Variants in PSME4 observed in about 807,000 individuals in gnomAD.
The protein encoded by PSME4 is proteasome activator subunit 4.
In PSME4, 89 loss-of-function variants were observed where a neutral mutation model predicts 253.9. The ratio of observed to expected loss-of-function variants is 0.35; its 90% CI spans 0.30 to 0.42. The LOEUF (loss-of-function observed/expected upper bound fraction) is 0.42, where lower values mean the gene tolerates loss of function less well. Ranked by LOEUF, PSME4 falls within the 10% of genes least tolerant of loss-of-function variation. The pLI is 1.00. For missense variants in PSME4, 2,014 were observed against 2,195.2 expected (o/e 0.92, Z 1.65); for synonymous variants, 851 against 759.2 (o/e 1.12, Z -1.99).
intron 28 of PSME4, 96 bp downstream of exon 28, chr2:53,901,254 G>A: frequency 2.6e-6 from 3 of 1,148,762 alleles, no homozygotes; most frequent in Non-Finnish European, 3.8e-6. Context: ...CAAATGCCAA[G>A]AATATTATTA....
chr2:53,909,399 T>A (rs979702912), intron 21 of PSME4, among the ~76,000 whole-genome samples: 3 of 152,138 alleles, frequency 2.0e-5, no homozygotes, highest in Non-Finnish European at 4.4e-5. Context: ...AGGTATAAAG[T>A]TTTTTTAAAT....
chr2:53,933,110 C>T (rs1409412085), intron 8 of PSME4: 3 of 184,112 alleles, frequency 1.6e-5, no homozygotes, highest in South Asian at 2.4e-4. Flanking sequence ...ACCAAGAATG[C>T]TAACATCAGG....
At chr2:53,917,732 T>A (rs1445075386) in intron 20 of PSME4, among the ~76,000 whole-genome samples, 2 of 152,196 alleles carry the variant, frequency 1.3e-5, no homozygotes, top group East Asian at 3.8e-4. Context: ...TTGCCTGCCA[T>A]AAAAGGGTCA....
chr2:53,945,708 AAGAC>A, intron 3 of PSME4, among the ~76,000 whole-genome samples: 1 of 152,238 alleles, frequency 6.6e-6, no homozygotes, highest in East Asian at 1.9e-4. Context: ...TAAAATTTGA[AAGAC>A]AGTTAACAAA....
intron 26 of PSME4, among the ~76,000 whole-genome samples, chr2:53,905,398 C>A (rs1000184993): frequency 6.6e-6 from 1 of 151,984 alleles, no homozygotes; most frequent in Non-Finnish European, 1.5e-5. Context: ...GTTGAGTATC[C>A]TTTATCTAAA....
intron 43 of PSME4, among the ~76,000 whole-genome samples, chr2:53,873,248 G>GAAAAGA (rs1558642724): frequency 2.2e-4 from 20 of 91,160 alleles, no homozygotes; most frequent in African/African-American, 8.7e-4. Context: ...CAAAAAAAAA[G>GAAAAGA]AAAAAAAAAA....
chr2:53,950,365 A>C (rs1669918124), intron 1 of PSME4, among the ~76,000 whole-genome samples: 1 of 152,128 alleles, frequency 6.6e-6, no homozygotes, highest in Non-Finnish European at 1.5e-5. Flanking sequence ...CAATTAAAAC[A>C]CTGCTCTCTT....
intron 39 of PSME4, 89 bp from the exon 40 acceptor site, chr2:53,887,556 T>C: frequency 8.3e-7 from 1 of 1,211,912 alleles, no homozygotes; most frequent in Non-Finnish European, 1.2e-6. Flanking sequence ...CAAAGTAAAC[T>C]GTCCCAAGAC....
At chr2:53,892,710 A>T (rs983040868) in intron 36 of PSME4, 98 bp downstream of exon 36, 1 of 1,138,074 alleles carries the variant, frequency 8.8e-7, no homozygotes, top group Non-Finnish European at 1.2e-6. Flanking sequence ...TGAAGATTTC[A>T]TATTTTAATT....
chr2:53,947,968 A>T (rs1393952338), intron 3 of PSME4, among the ~76,000 whole-genome samples: 2 of 152,088 alleles, frequency 1.3e-5, no homozygotes, highest in African/African-American at 2.4e-5. Flanking sequence ...GTGAGCTGAG[A>T]TCACACCACT....
chr2:53,939,833 C>T, intron 4 of PSME4, 123 bp downstream of exon 4: 1 of 741,394 alleles, frequency 1.3e-6, no homozygotes, highest in Non-Finnish European at 2.1e-6. Flanking sequence ...ATGTTGTGCT[C>T]AGTGACTAAC....
At position 53,919,830 on chromosome 2, in the gene PSME4, A is replaced by G. The variant is rs529831626; in HGVS notation, c.2420+363T>C. On this transcript the variant is annotated intron_variant, in intron 19 of 46. Transcript: ENST00000404125. ...TGTGGGAGAGGGAAAAAAAAATCTC[A>G]TAAAAATAATTCTTAAAATAAAATT... 4.6e-5 allele frequency among the ~76,000 whole-genome samples: 7 copies of G among 152,276 alleles called. No homozygotes were observed. In the South Asian group the frequency reaches 1.4e-3, roughly 32 times the overall value.
chr2:53,874,355 T>A lies in PSME4; in HGVS notation c.5084A>T (p.Glu1695Val). 6.2e-7 allele frequency: 1 copy of A among 1,610,850 alleles called. No homozygotes were observed. Among genetic ancestry groups the A allele is most frequent in the Non-Finnish European group, 8.5e-7 (1 of 1,179,262 alleles). ...AAATTTTACCTCCAGTTGTTCGTCC[T>A]CCAAAAGACTTATAACCAGCCACCT... is the stretch of plus-strand genomic sequence containing the variant. ...DIRWLVISLL[E>V]DEQLEVREMA... The change falls in exon 43 of 47, where the codon GAG (glutamate) becomes GTG (valine). Residue 1695 changes from glutamate (E) to valine (V), a missense_variant. Around this residue, in one of 4 missense-constraint regions of PSME4, gnomAD observed 403 missense variants for 556.1 expected, o/e 0.72. Coordinates refer to ENST00000404125, the MANE Select transcript of PSME4 (RefSeq NM_014614.3).
chr2:53,914,080 G>A (rs760097662), intron 20 of PSME4, among the ~76,000 whole-genome samples: 16 of 152,190 alleles, frequency 1.1e-4, no homozygotes, highest in South Asian at 8.3e-4. Context: ...TCCTAAGGAT[G>A]ATTTAACTAA....
chr2:53,963,432 G>A (rs1446463132), intron 1 of PSME4, among the ~76,000 whole-genome samples: 3 of 152,126 alleles, frequency 2.0e-5, no homozygotes, highest in Admixed American at 1.3e-4. Context: ...CCCAGCCCAC[G>A]CATTGCACTC....
At chr2:53,878,344 G>A (rs1405982385) in intron 41 of PSME4, among the ~76,000 whole-genome samples, 1 of 152,086 alleles carries the variant, frequency 6.6e-6, no homozygotes, top group Non-Finnish European at 1.5e-5. Flanking sequence ...ATCTTCATAA[G>A]CTGAGGATGA....
chr2:53,949,847 G>C (rs1057239503), intron 1 of PSME4, among the ~76,000 whole-genome samples: 1 of 152,110 alleles, frequency 6.6e-6, no homozygotes, highest in Non-Finnish European at 1.5e-5. Context: ...TAAAAATTAA[G>C]ATAAACTTGA....
In PSME4 at chr2:53,890,138, T is replaced by C. The variant is rs564082779; in HGVS notation, c.4262A>G (p.Tyr1421Cys). 2 of 1,613,972 alleles carry C rather than the reference T, an allele frequency of 1.2e-6. No homozygotes were observed. The highest frequency in any genetic ancestry group is 2.7e-5 in the African/African-American group (2 of 75,044). The change falls in exon 37 of 47, where the codon TAT becomes TGT. Residue 1421 changes from tyrosine (Y) to cysteine (C), a missense_variant. Around this residue, in one of 4 missense-constraint regions of PSME4, gnomAD observed 403 missense variants for 556.1 expected, o/e 0.72. Transcript: ENST00000404125. The part of the protein sequence containing the change: ...TALSNITVET[Y>C]NDWGACIATS... ...TGCTATACAAGCTCCCCAGTCATTA[T>C]AAGTTTCTACGGTAATATTGGACAG... is the stretch of plus-strand genomic sequence containing the variant.
chr2:53,966,945 GC>G (rs1558436330), intron 1 of PSME4, among the ~76,000 whole-genome samples: 1 of 152,100 alleles, frequency 6.6e-6, no homozygotes, highest in Non-Finnish European at 1.5e-5. Context: ...TGATCCGTCT[GC>G]CTCGGCCTCC....
Sources: allele counts gnomAD v4.1 joint callset (sites outside exome capture counted in the v4.1 genomes callset), GRCh38; gene constraint gnomAD v4.1.1; regional missense constraint gnomAD v4.1.1; transcripts MANE v1.5; gene names NCBI Gene and HGNC (gene_info 2026-07-23, HGNC 2026-07-21).